Variants in SH3RF3 observed in about 807,000 individuals in gnomAD.
SH3RF3 encodes E3 ubiquitin-protein ligase SH3RF3.
SH3RF3 carries 29 observed loss-of-function variants against 66.3 expected under a neutral mutation model. That is an observed-to-expected ratio of 0.44 (90% CI 0.33 to 0.60). The LOEUF is 0.60. Ranked by LOEUF, SH3RF3 falls within the 20% of genes least tolerant of loss-of-function variation. The pLI, the probability that SH3RF3 is intolerant of heterozygous loss-of-function variation, is 0.04. For synonymous variants in SH3RF3, 583 were observed against 532.0 expected (o/e 1.10, Z -1.32); for missense variants, 1,194 against 1,190.9 (o/e 1.00, Z -0.04).
chr2:109,485,025 G>A lies in SH3RF3; in HGVS notation c.2149-5580G>A, dbSNP rs74376310. Among the ~76,000 whole-genome samples, 146 of 152,338 alleles carry A rather than the reference G, an allele frequency of 9.6e-4. 2 individuals carry two copies. The East Asian group carries it at 0.026, about 27-fold the overall frequency. On this transcript the variant is annotated intron_variant, in intron 8 of 9. Coordinates refer to ENST00000309415, the MANE Select transcript of SH3RF3 (RefSeq NM_001099289.3). ...CCCCTTCTGGTGCTGAAAATAGTAC[G>A]TAACCCATCAGCGTGTGCAGCGCAG...
intron 9 of SH3RF3, among the ~76,000 whole-genome samples, chr2:109,500,793 A>G (rs1412031787): frequency 4.6e-5 from 7 of 152,064 alleles, no homozygotes; most frequent in Admixed American, 4.6e-4. Context: ...TACAAAAAAA[A>G]ATTAGAAATT....
At chr2:109,361,250 C>T (rs184087986) in intron 2 of SH3RF3, among the ~76,000 whole-genome samples, 17 of 152,108 alleles carry the variant, frequency 1.1e-4, no homozygotes, top group African/African-American at 3.6e-4. Context: ...AGGATATTTG[C>T]GTTTATGTTC....
chr2:109,364,112 A>C (rs963150590), intron 2 of SH3RF3, among the ~76,000 whole-genome samples: 1 of 149,990 alleles, frequency 6.7e-6, no homozygotes, highest in Non-Finnish European at 1.5e-5. Flanking sequence ...ATTGCCCCAC[A>C]ATTCTTGCTT....
At chr2:109,176,113 C>A (rs557972889) in intron 1 of SH3RF3, among the ~76,000 whole-genome samples, 1 of 152,274 alleles carries the variant, frequency 6.6e-6, no homozygotes, top group Admixed American at 6.5e-5. Flanking sequence ...ACCTGCATTT[C>A]CTGGGTGTCT....
At chr2:109,272,803 C>T (rs1346092575) in intron 1 of SH3RF3, among the ~76,000 whole-genome samples, 1 of 152,200 alleles carries the variant, frequency 6.6e-6, no homozygotes, top group Non-Finnish European at 1.5e-5. Flanking sequence ...CCCGGTACTG[C>T]CGCACACGCA....
intron 2 of SH3RF3, among the ~76,000 whole-genome samples, chr2:109,357,315 G>A (rs936825626): frequency 2.6e-5 from 4 of 151,946 alleles, no homozygotes; most frequent in Non-Finnish European, 5.9e-5. Context: ...CCGAGTAGCT[G>A]GGACTACAGG....
chr2:109,418,190 GC>G (rs1431479434), intron 4 of SH3RF3, among the ~76,000 whole-genome samples: 4 of 152,024 alleles, frequency 2.6e-5, no homozygotes, highest in Non-Finnish European at 4.4e-5. Flanking sequence ...CCCCTATTCT[GC>G]CCCTCGTCAG....
intron 1 of SH3RF3, among the ~76,000 whole-genome samples, chr2:109,142,763 C>G (rs1433591571): frequency 6.6e-6 from 1 of 152,128 alleles, no homozygotes; most frequent in Non-Finnish European, 1.5e-5. Context: ...GCCAAAGCAT[C>G]GAGGATTGTT....
intron 1 of SH3RF3, among the ~76,000 whole-genome samples, chr2:109,283,279 G>A (rs570298538): frequency 3.3e-5 from 5 of 152,270 alleles, no homozygotes; most frequent in African/African-American, 1.2e-4. Context: ...CCTACTTAAG[G>A]CCTCTGTTCC....
At chr2:109,343,683 G>A (rs1456710758) in intron 1 of SH3RF3, among the ~76,000 whole-genome samples, 1 of 152,006 alleles carries the variant, frequency 6.6e-6, no homozygotes, top group East Asian at 1.9e-4. Flanking sequence ...CCTGTGGAGA[G>A]GTGGCCAGGC....
chr2:109,232,987 G>A (rs1679549401), intron 1 of SH3RF3, among the ~76,000 whole-genome samples: 2 of 152,088 alleles, frequency 1.3e-5, no homozygotes, highest in African/African-American at 4.8e-5. Context: ...GGTGTGGCTT[G>A]CTTACTTGGC....
At chr2:109,297,948 A>G (rs981279503) in intron 1 of SH3RF3, among the ~76,000 whole-genome samples, 2 of 149,940 alleles carry the variant, frequency 1.3e-5, no homozygotes, top group Non-Finnish European at 1.5e-5. Context: ...CCACCACCAG[A>G]CTAGTGCCCC....
intron 1 of SH3RF3, among the ~76,000 whole-genome samples, chr2:109,169,495 C>T (rs953726826): frequency 6.6e-6 from 1 of 152,042 alleles, no homozygotes; most frequent in African/African-American, 2.4e-5. Context: ...AGCTTCTTAT[C>T]TCTGCTCTGT....
chr2:109,169,220 A>C (rs1018487584), intron 1 of SH3RF3, among the ~76,000 whole-genome samples: 1 of 152,210 alleles, frequency 6.6e-6, no homozygotes, highest in African/African-American at 2.4e-5. Context: ...TGGGACAAAC[A>C]GTGCTGGTTT....
intron 7 of SH3RF3, 133 bp downstream of exon 7, chr2:109,437,279 A>G (rs902095654): frequency 1.5e-6 from 2 of 1,378,578 alleles, no homozygotes; most frequent in African/African-American, 2.9e-5. Context: ...CAGCTGGAGA[A>G]ACTTAAGGAA....
At chr2:109,171,908 G>A (rs1677792010) in intron 1 of SH3RF3, among the ~76,000 whole-genome samples, 1 of 152,246 alleles carries the variant, frequency 6.6e-6, no homozygotes, top group African/African-American at 2.4e-5. Flanking sequence ...CCCATAAAGG[G>A]CATGCATGTG....
At chr2:109,290,329 CTT>C (rs1304710198) in intron 1 of SH3RF3, among the ~76,000 whole-genome samples, 1 of 152,196 alleles carries the variant, frequency 6.6e-6, no homozygotes, top group Non-Finnish European at 1.5e-5. Context: ...GTAATACATA[CTT>C]ATTAGAGTAA....
At chr2:109,437,176 G>A in intron 7 of SH3RF3, 30 bp downstream of exon 7, 2 of 1,581,920 alleles carry the variant, frequency 1.3e-6, no homozygotes, top group African/African-American at 1.3e-5. Context: ...ACCCTGCAGG[G>A]CATCAACAAG....
chr2:109,136,567 C>A (rs1337696633), intron 1 of SH3RF3, among the ~76,000 whole-genome samples: 1 of 152,170 alleles, frequency 6.6e-6, no homozygotes, highest in African/African-American at 2.4e-5. Context: ...GCTCTCCTGG[C>A]CCTTGATGGC....
Sources: allele counts gnomAD v4.1 joint callset (sites outside exome capture counted in the v4.1 genomes callset), GRCh38; gene constraint gnomAD v4.1.1; transcripts MANE v1.5; gene names NCBI Gene and HGNC (gene_info 2026-07-23, HGNC 2026-07-21).